Variants in PTPRG observed in about 807,000 individuals in gnomAD.
PTPRG encodes protein tyrosine phosphatase receptor type G.
Under a neutral mutation model 165.3 loss-of-function variants are expected in PTPRG, and 102 were observed. That is an observed-to-expected ratio of 0.62 (90% CI 0.53 to 0.73). PTPRG has a LOEUF of 0.73. Among genes scored for constraint, PTPRG ranks in the 30% least tolerant of loss-of-function variants. The probability of loss-of-function intolerance (pLI) is 0.00; values close to 1 mark genes in which losing one functional copy is unlikely to be tolerated. For synonymous variants in PTPRG, 675 were observed against 669.5 expected, an observed-to-expected ratio of 1.01 and a Z score of -0.13; for missense variants, 1,866 against 1,861.4, an observed-to-expected ratio of 1.00 and a Z score of -0.05.
At chr3:61,833,012 C>T (rs1410590871) in intron 2 of PTPRG, among the ~76,000 whole-genome samples, 10 of 151,650 alleles carry the variant, frequency 6.6e-5, no homozygotes, top group Non-Finnish European at 8.8e-5. Flanking sequence ...CCATTCCATC[C>T]AGGTTGCTGT....
intron 5 of PTPRG, among the ~76,000 whole-genome samples, chr3:62,092,448 A>AAAAAAG (rs1701974037): frequency 6.6e-6 from 1 of 150,458 alleles, no homozygotes; most frequent in Admixed American, 6.6e-5. Flanking sequence ...TGAAAAAAAA[A>AAAAAAG]AAAAAAAAAA....
chr3:62,070,106 T>A (rs1162813337), intron 4 of PTPRG, among the ~76,000 whole-genome samples: 1 of 152,242 alleles, frequency 6.6e-6, no homozygotes, highest in Non-Finnish European at 1.5e-5. Flanking sequence ...ATATTTATCA[T>A]TTTTCTCCAT....
Position 62,066,601 on chromosome 3 carries a change from C to G in PTPRG, c.520-11562C>G, listed in dbSNP as rs1575959071. On this transcript the variant is annotated intron_variant, in intron 4 of 29. Transcript: ENST00000474889. ...GGGGCCCCTCCCCCTCCACTGTGTCCAAGGCGTTAAGCTCCACTGCATTTC... is the reference window on the plus strand; with the variant it reads ...GGGGCCCCTCCCCCTCCACTGTGTCGAAGGCGTTAAGCTCCACTGCATTTC... Among the ~76,000 whole-genome samples, 3 of 152,232 alleles carry G rather than the reference C, an allele frequency of 2.0e-5. 1 individual carries two copies. Among genetic ancestry groups the G allele is most frequent in the Admixed American group, 2.0e-4 (3 of 15,302 alleles).
chr3:62,275,280 C>T (rs1278783009), intron 23 of PTPRG, among the ~76,000 whole-genome samples: 1 of 152,136 alleles, frequency 6.6e-6, no homozygotes, highest in Non-Finnish European at 1.5e-5. Flanking sequence ...CTTCAAGAAA[C>T]TTGATTAGCT....
intron 1 of PTPRG, among the ~76,000 whole-genome samples, chr3:61,748,181 GGTGACT>G (rs1473132046): frequency 6.6e-6 from 1 of 152,224 alleles, no homozygotes; most frequent in Non-Finnish European, 1.5e-5. Context: ...TGGCACCACA[GGTGACT>G]GTTAGTGGCC....
intron 4 of PTPRG, among the ~76,000 whole-genome samples, chr3:62,039,728 C>T (rs1418807652): frequency 1.3e-5 from 2 of 152,160 alleles, no homozygotes; most frequent in African/African-American, 2.4e-5. Flanking sequence ...TGTAGCGACT[C>T]CTGCAGCTGG....
chr3:62,100,413 A>G (rs538948539), intron 5 of PTPRG, among the ~76,000 whole-genome samples: 1 of 152,098 alleles, frequency 6.6e-6, no homozygotes, highest in South Asian at 2.1e-4. Flanking sequence ...CCCTCCTGGG[A>G]TTTCCTTGTG....
At position 62,069,637 on chromosome 3, in the gene PTPRG, GTCTCTCTCTCTCTC is replaced by G. The variant is rs537162206; in HGVS notation, c.520-8491_520-8478del. ...AGAGAAAGAGAGCCATAGGATCGATGTCTCTCTCTCTCTCTCTCTCTCTCTCTCTCTCTCTCTCT... is the reference window on the plus strand; with the variant it reads ...AGAGAAAGAGAGCCATAGGATCGATGTCTCTCTCTCTCTCTCTCTCTCTCT... On this transcript the variant is annotated intron_variant, in intron 4 of 29. Transcript: ENST00000474889. Among the ~76,000 whole-genome samples, 112 of 141,086 alleles carry G rather than the reference GTCTCTCTCTCTCTC, an allele frequency of 7.9e-4. 1 individual carries two copies. The highest frequency in any genetic ancestry group is 1.7e-3 in the South Asian group (7 of 4,082). 92.6% of individuals were successfully genotyped at this position (141,086 alleles called of 152,430 possible).
chr3:61,581,759 G>A (rs1245516237), intron 1 of PTPRG, among the ~76,000 whole-genome samples: 1 of 151,650 alleles, frequency 6.6e-6, no homozygotes, highest in African/African-American at 2.4e-5. Context: ...AGAGGCACGC[G>A]CCACCACGCC....
At chr3:61,911,073 G>C (rs1409778872) in intron 2 of PTPRG, among the ~76,000 whole-genome samples, 5 of 152,146 alleles carry the variant, frequency 3.3e-5, no homozygotes, top group Non-Finnish European at 7.3e-5. Flanking sequence ...TACTCTTCCA[G>C]TTTCTCATAG....
At position 61,611,267 on chromosome 3, in the gene PTPRG, G is replaced by C. The variant is rs1240247628; in HGVS notation, c.85+48895G>C. On this transcript the variant is annotated intron_variant, in intron 1 of 29. Coordinates refer to ENST00000474889, the MANE Select transcript of PTPRG (RefSeq NM_002841.4). ...ATCAGAATGTTATTCAGCTTCTTGTGGGTTCAGTCTCCTTACCTGGAATAA... is the reference window on the plus strand; with the variant it reads ...ATCAGAATGTTATTCAGCTTCTTGTCGGTTCAGTCTCCTTACCTGGAATAA... Among the ~76,000 whole-genome samples, 9 of 152,194 alleles carry C rather than the reference G, an allele frequency of 5.9e-5. No homozygotes were observed. In the East Asian group the frequency reaches 1.7e-3, roughly 29 times the overall value.
chr3:62,036,128 C>G (rs1209580428), intron 4 of PTPRG, among the ~76,000 whole-genome samples: 1 of 151,326 alleles, frequency 6.6e-6, no homozygotes, highest in Non-Finnish European at 1.5e-5. Context: ...TAAATAATTG[C>G]ATATGTTAGA....
chr3:61,764,720 C>T (rs1038862825), intron 2 of PTPRG, among the ~76,000 whole-genome samples: 2 of 152,178 alleles, frequency 1.3e-5, no homozygotes, highest in African/African-American at 2.4e-5. Context: ...CCTTAAACTA[C>T]TCTGTGAATT....
chr3:61,582,022 C>T (rs989499630), intron 1 of PTPRG, among the ~76,000 whole-genome samples: 2 of 152,026 alleles, frequency 1.3e-5, no homozygotes, highest in Admixed American at 1.3e-4. Context: ...GGCTGGAGTG[C>T]AGTGGCGTGA....
chr3:62,167,957 G>C lies in PTPRG; in HGVS notation c.841-14G>C. ...TTTTTTTTTTCCCCCTCCCCTCTCT[G>C]GTCCTCTGTTCAGCTTGAGGCTTTT... On this transcript the variant is annotated splice_polypyrimidine_tract_variant and intron_variant, in intron 7 of 29. Coordinates refer to ENST00000474889, the MANE Select transcript of PTPRG (RefSeq NM_002841.4). 1 of 1,602,850 alleles carries C rather than the reference G, an allele frequency of 6.2e-7. No individual in the cohort carries two copies. The highest frequency in any genetic ancestry group is 8.5e-7 in the Non-Finnish European group (1 of 1,171,384).
At chr3:61,950,953 C>T (rs989024407) in intron 2 of PTPRG, among the ~76,000 whole-genome samples, 3 of 152,220 alleles carry the variant, frequency 2.0e-5, no homozygotes, top group Admixed American at 6.5e-5. Flanking sequence ...TATTTCAACC[C>T]AGCTGTCCCC....
At chr3:61,641,223 C>A (rs1040944206) in intron 1 of PTPRG, among the ~76,000 whole-genome samples, 5 of 152,130 alleles carry the variant, frequency 3.3e-5, no homozygotes, top group South Asian at 2.1e-4. Flanking sequence ...CAGATTTCCT[C>A]CCCCTCCCTC....
In PTPRG at chr3:61,669,308, G is replaced by A. The variant is rs565907816; in HGVS notation, c.86-79570G>A. Among the ~76,000 whole-genome samples the A allele has an allele frequency of 3.3e-5, 5 of 152,158 alleles. 1 individual carries two copies. The highest frequency in any genetic ancestry group is 1.3e-4 in the Admixed American group (2 of 15,290). Reference sequence around the variant, plus strand: ...CTTGAGACATTATGAGTTGTTCACCGAGACCCAGAATCAGGTCAGAGGACT... The same window carrying A: ...CTTGAGACATTATGAGTTGTTCACCAAGACCCAGAATCAGGTCAGAGGACT... On this transcript the variant is annotated intron_variant, in intron 1 of 29. Coordinates refer to ENST00000474889, the MANE Select transcript of PTPRG (RefSeq NM_002841.4).
At chr3:62,062,699 C>A (rs1254179747) in intron 4 of PTPRG, among the ~76,000 whole-genome samples, 1 of 151,882 alleles carries the variant, frequency 6.6e-6, no homozygotes, top group African/African-American at 2.4e-5. Context: ...GGCAGGATCT[C>A]ATTGTGTTAC....
Sources: allele counts gnomAD v4.1 joint callset (sites outside exome capture counted in the v4.1 genomes callset), GRCh38; gene constraint gnomAD v4.1.1; transcripts MANE v1.5; gene names NCBI Gene and HGNC (gene_info 2026-07-23, HGNC 2026-07-21).